TMC1: variants seen among roughly 807,000 people sequenced by gnomAD.
The protein encoded by TMC1 is transmembrane channel like 1, also known as transmembrane channel-like protein 1.
A neutral mutation model predicts 105.8 loss-of-function variants in TMC1; 84 were observed. The ratio of observed to expected loss-of-function variants is 0.79; its 90% confidence interval spans 0.67 to 0.95. TMC1 has a LOEUF of 0.95. TMC1 is among the 40% of genes least tolerant of loss of function. TMC1 has a pLI of 0.00. For missense variants in TMC1, 817 were observed against 914.1 expected (o/e 0.89, Z 1.37); for synonymous variants, 315 against 311.5 (o/e 1.01, Z -0.12).
At chr9:72,641,572 A>T (rs1325282113) in intron 4 of TMC1, among the ~76,000 whole-genome samples, 1 of 152,136 alleles carries the variant, frequency 6.6e-6, no homozygotes, top group Admixed American at 6.5e-5. Flanking sequence ...ATTATTAAGA[A>T]TTTCCAGATG....
At chr9:72,665,788 C>G (rs1417955915) in intron 5 of TMC1, among the ~76,000 whole-genome samples, 2 of 152,176 alleles carry the variant, frequency 1.3e-5, no homozygotes, top group Non-Finnish European at 2.9e-5. Context: ...TACTAAATTT[C>G]TCCTGATGTA....
intron 5 of TMC1, among the ~76,000 whole-genome samples, chr9:72,663,437 A>G (rs756481888): frequency 5.9e-4 from 90 of 152,214 alleles, no homozygotes; most frequent in Non-Finnish European, 1.1e-3. Context: ...AAGGCAGCCT[A>G]GTCCCCAGGA....
chr9:72,600,461 T>C (rs184223457), intron 2 of TMC1, among the ~76,000 whole-genome samples: 3 of 152,322 alleles, frequency 2.0e-5, no homozygotes, highest in African/African-American at 7.2e-5. Flanking sequence ...TCTCCCTCTT[T>C]TAGATGAGTT....
At chr9:72,658,827 A>G (rs1341537733) in intron 5 of TMC1, among the ~76,000 whole-genome samples, 1 of 152,186 alleles carries the variant, frequency 6.6e-6, no homozygotes, top group Non-Finnish European at 1.5e-5. Context: ...GGCCTTCGGG[A>G]AAATACGTAA....
At chr9:72,567,790 C>G (rs1824192364) in intron 1 of TMC1, among the ~76,000 whole-genome samples, 1 of 152,196 alleles carries the variant, frequency 6.6e-6, no homozygotes, top group African/African-American at 2.4e-5. Context: ...AGCCTTCCAG[C>G]TGAAGACAGC....
chr9:72,604,092 A>G (rs1188309578), intron 2 of TMC1, among the ~76,000 whole-genome samples: 1 of 151,950 alleles, frequency 6.6e-6, no homozygotes, highest in Admixed American at 6.6e-5. Context: ...TAGTTTTAAC[A>G]CTGTTATCTT....
rs147007708 is a variant in TMC1, at chr9:72,590,686, G to A, written c.-306+12663G>A. ...GAGGAAGATGGACATGAATCCAAGA[G>A]TCACCAAAAAAATGTAAAGTGGCAC... is the stretch of plus-strand genomic sequence containing the variant. On this transcript the variant is annotated intron_variant, in intron 2 of 23. Transcript: ENST00000297784. Among the ~76,000 whole-genome samples the A allele has an allele frequency of 3.0e-3, 450 of 152,272 alleles. 1 individual carries two copies. The highest frequency in any genetic ancestry group is 0.01 in the African/African-American group (435 of 41,566).
chr9:72,602,366 A>ATTT (rs66682329), intron 2 of TMC1, among the ~76,000 whole-genome samples: 13 of 86,548 alleles, frequency 1.5e-4, no homozygotes, highest in Non-Finnish European at 1.9e-4. Context: ...CCTATTGGTG[A>ATTT]TTTTTTTTTT....
At chr9:72,697,720 G>A (rs1453691656) in intron 7 of TMC1, among the ~76,000 whole-genome samples, 1 of 152,014 alleles carries the variant, frequency 6.6e-6, no homozygotes, top group Non-Finnish European at 1.5e-5. Context: ...CTTAATGGAA[G>A]TTCAGTAGTG....
chr9:72,774,124 A>G (rs1827972097), intron 13 of TMC1, among the ~76,000 whole-genome samples: 1 of 152,218 alleles, frequency 6.6e-6, no homozygotes, highest in African/African-American at 2.4e-5. Flanking sequence ...TTGAGGCCAC[A>G]TTATAGATCC....
At chr9:72,637,187 G>A (rs1162101471) in intron 4 of TMC1, among the ~76,000 whole-genome samples, 2 of 151,690 alleles carry the variant, frequency 1.3e-5, no homozygotes, top group Non-Finnish European at 2.9e-5. Flanking sequence ...TTTTTGAAAG[G>A]TCAGAAATTT....
intron 5 of TMC1, among the ~76,000 whole-genome samples, chr9:72,678,144 G>A (rs1826231377): frequency 6.6e-6 from 1 of 152,064 alleles, no homozygotes; most frequent in Non-Finnish European, 1.5e-5. Flanking sequence ...AGCAACCCTG[G>A]AGGTGGAAAT....
chr9:72,671,732 A>G (rs2132169268), intron 5 of TMC1, among the ~76,000 whole-genome samples: 1 of 152,316 alleles, frequency 6.6e-6, no homozygotes, highest in Non-Finnish European at 1.5e-5. Context: ...TTTTAAATTA[A>G]GAGACTTTCA....
intron 6 of TMC1, among the ~76,000 whole-genome samples, chr9:72,692,590 A>G (rs1273904861): frequency 6.6e-6 from 1 of 152,146 alleles, no homozygotes; most frequent in Non-Finnish European, 1.5e-5. Flanking sequence ...AATTCAGAGT[A>G]CCAAGTAGCT....
At chr9:72,817,406 G>A (rs1234791056) in intron 19 of TMC1, 1 of 152,178 alleles carries the variant, frequency 6.6e-6, no homozygotes, top group East Asian at 1.9e-4. Flanking sequence ...AGGGAGGAAA[G>A]TCAAGGTGGC....
chr9:72,815,148 A>G (rs1054507837), intron 18 of TMC1, among the ~76,000 whole-genome samples: 14 of 152,162 alleles, frequency 9.2e-5, no homozygotes, highest in African/African-American at 3.1e-4. Context: ...AAATTAAATA[A>G]GAGCCAGTTT....
At chr9:72,703,275 C>T (rs1203713126) in intron 8 of TMC1, among the ~76,000 whole-genome samples, 1 of 152,010 alleles carries the variant, frequency 6.6e-6, no homozygotes, top group Non-Finnish European at 1.5e-5. Flanking sequence ...TATATGTGCA[C>T]ACTACCATGT....
chr9:72,808,054 T>C (rs1828633977), intron 18 of TMC1, among the ~76,000 whole-genome samples: 1 of 152,218 alleles, frequency 6.6e-6, no homozygotes, highest in Non-Finnish European at 1.5e-5. Context: ...CTGGAAAATA[T>C]GACCTGGGGG....
At chr9:72,605,067 C>A (rs551515061) in intron 2 of TMC1, among the ~76,000 whole-genome samples, 20 of 152,180 alleles carry the variant, frequency 1.3e-4, no homozygotes, top group Admixed American at 1.2e-3. Context: ...AAAAAATAAA[C>A]CTTACAGGTA....
Sources: gnomAD v4.1 joint callset for allele counts (sites outside exome capture counted in the v4.1 genomes callset) on GRCh38, gnomAD v4.1.1 for gene constraint, MANE v1.5 for transcripts, NCBI Gene and HGNC (gene_info 2026-07-23, HGNC 2026-07-21) for gene names.